Variants in CDH9 observed in about 807,000 individuals in gnomAD.
The protein encoded by CDH9 is cadherin-9.
Under a neutral mutation model 70.9 loss-of-function variants are expected in CDH9, and 28 were observed. The observed-to-expected ratio is 0.40, with a 90% CI of 0.29 to 0.54. The LOEUF (loss-of-function observed/expected upper bound fraction) is 0.54. CDH9 is among the 20% of genes least tolerant of loss of function. CDH9 has a pLI of 0.59. For synonymous variants in CDH9, 409 were observed against 343.1 expected, an observed-to-expected ratio of 1.19 and a Z score of -2.12; for missense variants, 874 against 984.4, an observed-to-expected ratio of 0.89 and a Z score of 1.50.
chr5:26,881,925 C>G (rs1266271481), intron 11 of CDH9, among the ~76,000 whole-genome samples: 2 of 152,052 alleles, frequency 1.3e-5, no homozygotes, highest in Non-Finnish European at 2.9e-5. Flanking sequence ...CCTCAGCAGT[C>G]TTTCCAAATG....
rs1003431845 is a variant in CDH9, at chr5:26,924,993, A to G, written c.229-9069T>C. ...TGGTGCCAAGTCTTTCCTATCGTGA[A>G]TAGTGCCACAATAAACATACGTGTG... On this transcript the variant is annotated intron_variant, in intron 2 of 11. Transcript: ENST00000231021. Among the ~76,000 whole-genome samples the G allele has an allele frequency of 3.0e-4, 45 of 152,078 alleles. 1 individual carries two copies. Among genetic ancestry groups the G allele is most frequent in the Admixed American group, 2.9e-3 (44 of 15,244 alleles).
intron 2 of CDH9, among the ~76,000 whole-genome samples, chr5:26,968,719 G>A (rs1370846497): frequency 6.7e-6 from 1 of 150,340 alleles, no homozygotes; most frequent in Non-Finnish European, 1.5e-5. Context: ...TGGTTGGGGG[G>A]CAAATCTTTG....
At chr5:26,953,731 A>C (rs1012510632) in intron 2 of CDH9, among the ~76,000 whole-genome samples, 2 of 151,930 alleles carry the variant, frequency 1.3e-5, no homozygotes, top group Non-Finnish European at 2.9e-5. Flanking sequence ...CTGTATCTTA[A>C]TCTCTTCTTC....
At chr5:26,969,908 G>T (rs1742189355) in intron 2 of CDH9, among the ~76,000 whole-genome samples, 1 of 148,956 alleles carries the variant, frequency 6.7e-6, no homozygotes, top group South Asian at 2.1e-4. Context: ...GTCTGTGAGT[G>T]CATATGTACA....
chr5:26,964,812 G>A (rs1324324442), intron 2 of CDH9, among the ~76,000 whole-genome samples: 2 of 120,650 alleles, frequency 1.7e-5, no homozygotes, highest in African/African-American at 3.3e-5. Flanking sequence ...AGGCCCCAGT[G>A]TGTGAGTTTC....
In CDH9 at chr5:26,991,792, C is replaced by T. The variant is rs557631743; in HGVS notation, c.-49-3410G>A. The stretch of plus-strand genomic sequence containing the variant: ...AACTAGGTGGATGACTGAGTGATTT[C>T]TTGAGTGTCATTTATATCAGGAGAA... On this transcript the variant is annotated intron_variant, in intron 1 of 11. Coordinates refer to ENST00000231021, the MANE Select transcript of CDH9 (RefSeq NM_016279.4). Among the ~76,000 whole-genome samples, 18 of 152,148 alleles carry T rather than the reference C, an allele frequency of 1.2e-4. 1 individual carries two copies. The South Asian group carries it at 3.5e-3, about 30-fold the overall frequency.
At chr5:26,974,004 G>T (rs1579487383) in intron 2 of CDH9, among the ~76,000 whole-genome samples, 1 of 152,240 alleles carries the variant, frequency 6.6e-6, no homozygotes, top group Non-Finnish European at 1.5e-5. Context: ...TAACACTTTG[G>T]GAGGCCAAGG....
intron 2 of CDH9, among the ~76,000 whole-genome samples, chr5:26,923,963 A>G (rs1321385765): frequency 6.6e-6 from 1 of 152,072 alleles, no homozygotes; most frequent in African/African-American, 2.4e-5. Context: ...AACACTTCAA[A>G]TAACCTAATA....
chr5:26,884,087 A>T (rs1740520476), intron 11 of CDH9, among the ~76,000 whole-genome samples: 1 of 152,062 alleles, frequency 6.6e-6, no homozygotes, highest in Non-Finnish European at 1.5e-5. Context: ...ATAAAAAATT[A>T]CTCCACATTT....
At chr5:26,901,293 T>C (rs972719557) in intron 7 of CDH9, among the ~76,000 whole-genome samples, 4 of 151,964 alleles carry the variant, frequency 2.6e-5, no homozygotes, top group Admixed American at 6.6e-5. Flanking sequence ...TGAATTATAC[T>C]GTAATAAACC....
At chr5:27,027,138 G>A (rs781269093) in intron 1 of CDH9, among the ~76,000 whole-genome samples, 2 of 151,942 alleles carry the variant, frequency 1.3e-5, no homozygotes, top group African/African-American at 2.4e-5. Context: ...AGATCCATGA[G>A]TAGTATACTC....
At chr5:26,920,100 G>T (rs1741218399) in intron 2 of CDH9, among the ~76,000 whole-genome samples, 1 of 152,056 alleles carries the variant, frequency 6.6e-6, no homozygotes, top group Non-Finnish European at 1.5e-5. Flanking sequence ...ATGGGCCTTG[G>T]CTCTTGAACA....
intron 1 of CDH9, among the ~76,000 whole-genome samples, chr5:27,025,126 T>C (rs1743200125): frequency 6.6e-6 from 1 of 152,110 alleles, no homozygotes; most frequent in East Asian, 1.9e-4. Context: ...AGCCAAAATG[T>C]GTAATCTATT....
In CDH9 at chr5:26,988,727, A is replaced by T. The variant is rs201575156; in HGVS notation, c.-49-345T>A. On this transcript the variant is annotated intron_variant, in intron 1 of 11. Transcript: ENST00000231021. ...TCACAGCAAATGTTCCATAGTCCTT[A>T]AGACTAATAAAAGTAGAATATTTAT... Among the ~76,000 whole-genome samples the T allele has an allele frequency of 1.2e-4, 18 of 152,204 alleles. No homozygotes were observed. The East Asian group carries it at 3.5e-3, about 29-fold the overall frequency.
chr5:26,978,511 A>G (rs1164069057), intron 2 of CDH9, among the ~76,000 whole-genome samples: 1 of 151,868 alleles, frequency 6.6e-6, no homozygotes, highest in Non-Finnish European at 1.5e-5. Context: ...CAACTATGGG[A>G]TGATATGAAA....
intron 2 of CDH9, among the ~76,000 whole-genome samples, chr5:26,974,816 G>T (rs1424512462): frequency 6.6e-6 from 1 of 150,746 alleles, no homozygotes; most frequent in Non-Finnish European, 1.5e-5. Flanking sequence ...TTACCCTTTT[G>T]TGTGTGTGTG....
At chr5:26,962,435 C>T (rs146465004) in intron 2 of CDH9, among the ~76,000 whole-genome samples, 1 of 152,276 alleles carries the variant, frequency 6.6e-6, no homozygotes, top group East Asian at 1.9e-4. Flanking sequence ...TACACTCGCG[C>T]CAACAGTGTA....
intron 2 of CDH9, among the ~76,000 whole-genome samples, chr5:26,979,246 T>C (rs981552488): frequency 1.3e-5 from 2 of 151,668 alleles, no homozygotes; most frequent in African/African-American, 4.8e-5. Context: ...TAAATTATAC[T>C]ATTGTAAGAT....
At chr5:26,941,642 G>C (rs1469032541) in intron 2 of CDH9, among the ~76,000 whole-genome samples, 1 of 152,174 alleles carries the variant, frequency 6.6e-6, no homozygotes, top group Non-Finnish European at 1.5e-5. Context: ...AACAGAAACT[G>C]TTACAATATC....
Sources: allele counts gnomAD v4.1 joint callset (sites outside exome capture counted in the v4.1 genomes callset), GRCh38; gene constraint gnomAD v4.1.1; transcripts MANE v1.5; gene names NCBI Gene and HGNC (gene_info 2026-07-23, HGNC 2026-07-21).